RAD23B: variants seen among roughly 807,000 people sequenced by gnomAD.
The protein encoded by RAD23B is lysine-specific demethylase RAD23B.
A neutral mutation model predicts 49.1 loss-of-function variants in RAD23B; 5 were observed. That is an observed-to-expected ratio of 0.10 (90% CI 0.05 to 0.21). The LOEUF (loss-of-function observed/expected upper bound fraction) is 0.21. RAD23B is among the 10% of genes least tolerant of loss of function. RAD23B has a pLI of 1.00. For synonymous variants in RAD23B, 184 were observed against 165.4 expected (o/e 1.11, Z -0.86); for missense variants, 356 against 486.7 (o/e 0.73, Z 2.53).
In RAD23B at chr9:107,306,658, G is replaced by A. The variant is rs372889132; in HGVS notation, c.497+11G>A. 1.4e-5 allele frequency: 22 copies of A among 1,607,378 alleles called. No homozygotes were observed. In the African/African-American group the frequency reaches 2.9e-4, roughly 22 times the overall value. ...AACAGCAACTGACAGGTAGGAACTG[G>A]ATTCTAGGACATTCTATCTCAAAAT... is the stretch of plus-strand genomic sequence containing the variant. On this transcript the variant is annotated intron_variant, in intron 4 of 9. Transcript: ENST00000358015.
rs1221100714 is a variant in RAD23B, at chr9:107,318,748, T to G, written c.554-4T>G. 1 of 1,607,792 alleles carries G rather than the reference T, an allele frequency of 6.2e-7. No homozygotes were observed. Among genetic ancestry groups the G allele is most frequent in the Non-Finnish European group, 8.5e-7 (1 of 1,175,936 alleles). On this transcript the variant is annotated splice_region_variant and splice_polypyrimidine_tract_variant and intron_variant, in intron 5 of 9. Coordinates refer to ENST00000358015, the MANE Select transcript of RAD23B (RefSeq NM_002874.5). The surrounding 1 kb of genome is among the most constrained non-coding windows in gnomAD (Gnocchi z 4.3). Reference sequence around the variant, plus strand: ...TTTTTTTCCCCTCCACCCTCCCTTTTTAGTGACGGGTCAGTCTTACGAGAA... The same window carrying G: ...TTTTTTTCCCCTCCACCCTCCCTTTGTAGTGACGGGTCAGTCTTACGAGAA...
chr9:107,324,817 C>G lies in RAD23B; in HGVS notation c.946-17C>G. ...ATATCAGTGTATTATTTTTCTCTGT[C>G]CTTCATATCACCACAGCAAATTAGC... On this transcript the variant is annotated splice_polypyrimidine_tract_variant and intron_variant, in intron 8 of 9. Coordinates refer to ENST00000358015, the MANE Select transcript of RAD23B (RefSeq NM_002874.5). 1.3e-6 allele frequency: 2 copies of G among 1,578,318 alleles called. No individual in the cohort carries two copies. Among genetic ancestry groups the G allele is most frequent in the Non-Finnish European group, 1.7e-6 (2 of 1,164,010 alleles).
At chr9:107,310,962 G>A (rs1826877484) in intron 4 of RAD23B, among the ~76,000 whole-genome samples, 1 of 152,166 alleles carries the variant, frequency 6.6e-6, no homozygotes, top group Non-Finnish European at 1.5e-5. Flanking sequence ...AGGTCTAAGT[G>A]TGTATGTGTG....
intron 5 of RAD23B, among the ~76,000 whole-genome samples, chr9:107,312,950 G>T (rs6477569): frequency 0.93 from 141,341 of 152,242 alleles, 65,749 homozygotes; most frequent in East Asian, 1. Context: ...TCAAGCCTCT[G>T]TGACGATGTC....
intron 8 of RAD23B, among the ~76,000 whole-genome samples, chr9:107,324,405 C>T (rs1827163023): frequency 6.6e-6 from 1 of 151,164 alleles, no homozygotes. Context: ...GAACAACTTA[C>T]TCTTAGAAAA....
intron 4 of RAD23B, 95 bp downstream of exon 4, chr9:107,306,742 A>G (rs181765396): frequency 4.4e-6 from 6 of 1,349,892 alleles, no homozygotes; most frequent in Admixed American, 4.6e-5. Flanking sequence ...CAAACCGACT[A>G]TATCTATTAC....
intron 1 of RAD23B, among the ~76,000 whole-genome samples, chr9:107,293,520 A>G (rs894767722): frequency 3.9e-5 from 6 of 152,198 alleles, no homozygotes; most frequent in East Asian, 1.9e-4. Flanking sequence ...ACTTTACACA[A>G]TTATTTATAC....
intron 3 of RAD23B, among the ~76,000 whole-genome samples, chr9:107,305,650 T>C (rs1826747663): frequency 6.6e-6 from 1 of 152,216 alleles, no homozygotes; most frequent in Non-Finnish European, 1.5e-5. Flanking sequence ...ATTTGGCCTT[T>C]ATTTTTCTGC....
At chr9:107,284,736 T>C in intron 1 of RAD23B, 1 of 1,123,278 alleles carries the variant, frequency 8.9e-7, no homozygotes, top group Non-Finnish European at 1.1e-6. Context: ...CCCAACTCTA[T>C]TTTTAAAAGT....
rs1393187685 is a variant in RAD23B at position 107,306,037 on chromosome 9, GATACGGTTT to G, written c.229-338_229-330del. Among the ~76,000 whole-genome samples the G allele has an allele frequency of 2.1e-3, 227 of 108,914 alleles. 4 individuals are homozygous for G. The highest frequency in any genetic ancestry group is 7.1e-3 in the African/African-American group (211 of 29,806). The allele number at this position is 108,914 out of a possible 152,430, so 71.5% of individuals were successfully genotyped here. ...GTACATAAAGTTTTTTTGGGAAAATGATACGGTTTATATCTATATATATATATATATATA... is the reference window on the plus strand; with the variant it reads ...GTACATAAAGTTTTTTTGGGAAAATGATATCTATATATATATATATATATA... On this transcript the variant is annotated intron_variant, in intron 3 of 9. Transcript: ENST00000358015.
chr9:107,319,130 T>TTTC (rs1554743439), intron 6 of RAD23B, among the ~76,000 whole-genome samples: 1 of 43,040 alleles, frequency 2.3e-5, no homozygotes, highest in African/African-American at 5.5e-5. Context: ...TCTTTTTTCT[T>TTTC]TTTTTTTTTT....
At chr9:107,327,064 C>G (rs1827219522) in intron 9 of RAD23B, among the ~76,000 whole-genome samples, 1 of 152,160 alleles carries the variant, frequency 6.6e-6, no homozygotes, top group South Asian at 2.1e-4. Context: ...TTTATTTCCT[C>G]TTTTGATAAA....
chr9:107,331,829 A>AATTATCAGAAGACAGCTCAGG lies in RAD23B; in HGVS notation c.*2173_*2174insATTATCAGAAGACAGCTCAGG. On this transcript the variant is annotated 3_prime_UTR_variant, in exon 10 of 10. Coordinates refer to ENST00000358015, the MANE Select transcript of RAD23B (RefSeq NM_002874.5). Reference sequence around the variant, plus strand: ...CCAAGTTTTGATCGTTCCATACAGTACCTTGTTTATCTGCTTCTTAAAGAA... The same window carrying AATTATCAGAAGACAGCTCAGG: ...CCAAGTTTTGATCGTTCCATACAGTAATTATCAGAAGACAGCTCAGGCCTTGTTTATCTGCTTCTTAAAGAA... The AATTATCAGAAGACAGCTCAGG allele has an allele frequency of 1.5e-6, 1 of 652,964 alleles. No individual in the cohort carries two copies. Among genetic ancestry groups the AATTATCAGAAGACAGCTCAGG allele is most frequent in the Admixed American group, 2.5e-5 (1 of 40,072 alleles). 40.4% of individuals were successfully genotyped at this position (652,964 alleles called of 1,614,324 possible). A position where few individuals can be genotyped will look rare whatever the true frequency, so the allele number is the denominator to read the frequency against.
intron 2 of RAD23B, 70 bp from the exon 3 acceptor site, chr9:107,301,965 A>G: frequency 6.4e-7 from 1 of 1,553,572 alleles, no homozygotes; most frequent in Non-Finnish European, 8.7e-7. Context: ...TTCGAGTAGA[A>G]AGTTGTTTTA....
At chr9:107,325,059 A>C in intron 9 of RAD23B, 55 bp downstream of exon 9, 1 of 1,530,544 alleles carries the variant, frequency 6.5e-7, no homozygotes, top group South Asian at 1.2e-5. Flanking sequence ...TCATGCCTGT[A>C]ATTCCAGCAC....
At chr9:107,317,245 A>AAG (rs1021100022) in intron 5 of RAD23B, among the ~76,000 whole-genome samples, 7 of 152,210 alleles carry the variant, frequency 4.6e-5, no homozygotes, top group African/African-American at 1.4e-4. Context: ...GTAGAGAATG[A>AAG]AGAGATGGGT....
intron 9 of RAD23B, among the ~76,000 whole-genome samples, chr9:107,327,329 G>A (rs1340878836): frequency 6.6e-6 from 1 of 150,958 alleles, no homozygotes; most frequent in East Asian, 1.9e-4. Context: ...TTTTAGGTTA[G>A]GTTTAGTTTA....
intron 1 of RAD23B, among the ~76,000 whole-genome samples, chr9:107,297,553 C>A (rs751471271): frequency 5.9e-5 from 9 of 152,082 alleles, no homozygotes; most frequent in Non-Finnish European, 1.2e-4. Context: ...GTTGGCCAGG[C>A]TGGTCTCGAA....
intron 1 of RAD23B, among the ~76,000 whole-genome samples, chr9:107,288,481 T>G (rs1833319782): frequency 6.6e-6 from 1 of 152,238 alleles, no homozygotes; most frequent in African/African-American, 2.4e-5. Flanking sequence ...AGTCTTACTC[T>G]GTAGCCCAAG....
Sources: allele counts gnomAD v4.1 joint callset (sites outside exome capture counted in the v4.1 genomes callset), GRCh38; gene constraint gnomAD v4.1.1; non-coding constraint Gnocchi (gnomAD v3.1); transcripts MANE v1.5; gene names NCBI Gene and HGNC (gene_info 2026-07-23, HGNC 2026-07-21).